SYN1: variants seen among roughly 807,000 people sequenced by gnomAD.
The protein encoded by SYN1 is synapsin-1.
Under a neutral mutation model 44.6 loss-of-function variants are expected in SYN1, and 8 were observed. The observed-to-expected ratio is 0.18, with a 90% confidence interval of 0.11 to 0.32. The LOEUF is 0.32. Among genes scored for constraint, SYN1 ranks in the 10% least tolerant of loss-of-function variants. The pLI, the probability that SYN1 is intolerant of heterozygous loss-of-function variation, is 1.00. For missense variants in SYN1, 451 were observed against 639.4 expected, an observed-to-expected ratio of 0.71 and a Z score of 3.18; for synonymous variants, 275 against 280.1, an observed-to-expected ratio of 0.98 and a Z score of 0.18.
intron 9 of SYN1, 34 bp from the exon 10 acceptor site, chrX:47,575,308 C>T: frequency 8.3e-7 from 1 of 1,202,300 alleles, no homozygotes; most frequent in South Asian, 1.8e-5. Context: ...AGGGGAGAGG[C>T]AGGCCTCGCA....
At chrX:47,594,799 C>T (rs2057859247) in intron 5 of SYN1, among the ~76,000 whole-genome samples, 1 of 107,966 alleles carries the variant, frequency 9.3e-6, no homozygotes, top group Non-Finnish European at 1.9e-5. Flanking sequence ...GTGATCTCAG[C>T]TCACCGCAAC....
chrX:47,581,008 G>A lies in SYN1; in HGVS notation c.775-3507C>T, dbSNP rs2057796380. On this transcript the variant is annotated intron_variant, in intron 5 of 12. Transcript: ENST00000295987. ...TATATTACATAGTGGTGAAGTCTGG[G>A]CTTTTAGTGTCCCCATCAACCAAAT... is the stretch of plus-strand genomic sequence containing the variant. Among the ~76,000 whole-genome samples the A allele has an allele frequency of 3.6e-5, 4 of 111,405 alleles. No individual in the cohort carries two copies. The South Asian group carries it at 1.5e-3, about 42-fold the overall frequency.
intron 5 of SYN1, among the ~76,000 whole-genome samples, chrX:47,577,915 C>A (rs2057783313): frequency 9.1e-6 from 1 of 109,973 alleles, no homozygotes; most frequent in Admixed American, 9.7e-5. Context: ...AGTGACTGAA[C>A]CCCTCAGCCA....
chrX:47,588,326 A>T (rs1454845785), intron 5 of SYN1, among the ~76,000 whole-genome samples: 1 of 112,796 alleles, frequency 8.9e-6, no homozygotes, highest in Non-Finnish European at 1.9e-5. Flanking sequence ...TGCCTGCAAG[A>T]GGCTGACCGC....
intron 5 of SYN1, among the ~76,000 whole-genome samples, chrX:47,578,039 C>A (rs1450595891): frequency 9.0e-6 from 1 of 111,011 alleles, no homozygotes; most frequent in Non-Finnish European, 1.9e-5. Flanking sequence ...GACTGACAGC[C>A]AACACAGGCT....
chrX:47,614,598 A>G (rs191459338), intron 1 of SYN1, among the ~76,000 whole-genome samples: 6 of 111,919 alleles, frequency 5.4e-5, no homozygotes, highest in Admixed American at 9.5e-5. Flanking sequence ...TTACTATAAG[A>G]AGGAAGTGGA....
chrX:47,608,852 G>T (rs1205152702), intron 1 of SYN1, among the ~76,000 whole-genome samples: 2 of 104,155 alleles, frequency 1.9e-5, no homozygotes, highest in Non-Finnish European at 3.9e-5. Context: ...AGGGCTACTG[G>T]TCACTGACAC....
chrX:47,609,433 G>A (rs1336076160), intron 1 of SYN1, among the ~76,000 whole-genome samples: 2 of 112,162 alleles, frequency 1.8e-5, no homozygotes, highest in Admixed American at 9.4e-5. Context: ...TAAGAGCAGC[G>A]GAGGCCCCTA....
intron 5 of SYN1, chrX:47,585,607 G>A (rs1209746200): frequency 2.5e-6 from 3 of 1,196,581 alleles, no homozygotes; most frequent in Middle Eastern, 2.3e-4. Flanking sequence ...GGAACAGCCT[G>A]AGCTTAGCTC....
At chrX:47,597,841 T>C (rs2057868287) in intron 5 of SYN1, among the ~76,000 whole-genome samples, 1 of 112,114 alleles carries the variant, frequency 8.9e-6, no homozygotes, top group South Asian at 3.7e-4. Flanking sequence ...AGCTAATTTC[T>C]CATTAGAAAT....
intron 5 of SYN1, among the ~76,000 whole-genome samples, chrX:47,580,585 C>T (rs1245108254): frequency 9.4e-6 from 1 of 106,192 alleles, no homozygotes; most frequent in Non-Finnish European, 1.9e-5. Flanking sequence ...GAGCCAAGAT[C>T]TTGCCATTGC....
chrX:47,580,012 T>C (rs1175452272), intron 5 of SYN1, among the ~76,000 whole-genome samples: 1 of 109,502 alleles, frequency 9.1e-6, no homozygotes, highest in East Asian at 2.9e-4. Context: ...GTTAGTTATT[T>C]TGGGAAAAAT....
At position 47,592,851 on chromosome X, in the gene SYN1, C is replaced by A. The variant is rs13441207; in HGVS notation, c.774+12127G>T. ...ACTACTGATTTCTGCATGTTGATTT[C>A]ATATGCTGCTGTTACTGCATTCTTT... On this transcript the variant is annotated intron_variant, in intron 5 of 12. Transcript: ENST00000295987. Among the ~76,000 whole-genome samples the A allele has an allele frequency of 4.3e-3, 475 of 111,699 alleles. 5 individuals carry two copies. The highest frequency in any genetic ancestry group is 0.015 in the African/African-American group (450 of 30,747).
chrX:47,574,491 G>A lies in SYN1; in HGVS notation c.1493C>T (p.Pro498Leu), dbSNP rs1198466921. 1.4e-5 allele frequency: 15 copies of A among 1,077,118 alleles called. No homozygotes were observed. Among genetic ancestry groups the A allele is most frequent in the Non-Finnish European group, 1.4e-5 (12 of 835,259 alleles). 88.8% of individuals were successfully genotyped at this position (1,077,118 alleles called of 1,213,427 possible). ...CTGGGGCAGGGGGCTGCCAGCTGGG[G>A]GTCCAAGGCCTGAAAGGTGCTGCTG... ...QGQQHLSGLG[P>L]PAGSPLPQRL... The change falls in exon 12 of 13, where the codon CCC (proline) becomes CTC (leucine). Residue 498 changes from proline (P) to leucine (L), a missense_variant. Pro to Leu is a moderately conservative substitution (Grantham distance 98, BLOSUM62 -3). This residue lies in a region of SYN1 where 315 missense variants were observed against 451.4 expected (regional missense o/e 0.70). Coordinates refer to ENST00000295987, the MANE Select transcript of SYN1 (RefSeq NM_006950.3).
chrX:47,619,577 G>C lies in SYN1; in HGVS notation c.152C>G (p.Ala51Gly), dbSNP rs187134574. The C allele has an allele frequency of 2.3e-3, 2,641 of 1,165,532 alleles. 42 individuals are homozygous for C. The African/African-American group carries it at 0.043, about 19-fold the overall frequency. The change falls in exon 1 of 13, where the codon GCC becomes GGC. Residue 51 changes from alanine to glycine, a missense_variant. By Grantham distance (60) the Ala-to-Gly change is moderately conservative. Transcript: ENST00000295987. The stretch of plus-strand genomic sequence containing the variant: ...TGGGGCGACCCCGGAGGACCTCTCG[G>C]CAGTGGCGGTCCCGGGACCGGGCGT... ...GATPGPGTAT[A>G]ERSSGVAPAA...
At chrX:47,619,315 C>T in intron 1 of SYN1, 37 bp downstream of exon 1, 2 of 1,198,748 alleles carry the variant, frequency 1.7e-6, no homozygotes, top group South Asian at 1.8e-5. Flanking sequence ...GATCTGGGGA[C>T]CCAGGCCCAC....
At chrX:47,619,163 G>A (rs918473223) in intron 1 of SYN1, among the ~76,000 whole-genome samples, 189 bp downstream of exon 1, 3 of 111,094 alleles carry the variant, frequency 2.7e-5, no homozygotes, top group Non-Finnish European at 5.7e-5. Context: ...ATCCATCAAG[G>A]TTTAAGGGGC....
In SYN1 at chrX:47,619,756, G is replaced by C. The variant is rs1325808436; in HGVS notation, c.-28C>G. ...CTGCGACTTGGGGCAGGGGGTCCTA[G>C]GGGTGGTCTGGCCAGGAGCCGCGGG... is the stretch of plus-strand genomic sequence containing the variant. On this transcript the variant is annotated 5_prime_UTR_variant, in exon 1 of 13. Transcript: ENST00000295987. 5.2e-6 allele frequency: 6 copies of C among 1,152,872 alleles called. No individual in the cohort carries two copies. Among genetic ancestry groups the C allele is most frequent in the East Asian group, 3.3e-5 (1 of 30,268 alleles).
intron 3 of SYN1, among the ~76,000 whole-genome samples, chrX:47,605,916 G>C (rs1306263919): frequency 9.8e-6 from 1 of 101,847 alleles, no homozygotes; most frequent in Non-Finnish European, 2.0e-5. Context: ...TTTTTTTTCT[G>C]TTGAGACGGA....
Sources: allele counts gnomAD v4.1 joint callset (sites outside exome capture counted in the v4.1 genomes callset), GRCh38; gene constraint gnomAD v4.1.1; regional missense constraint gnomAD v4.1.1; transcripts MANE v1.5; gene names NCBI Gene and HGNC (gene_info 2026-07-23, HGNC 2026-07-21).